Variants in PRPF3 observed in about 807,000 individuals in gnomAD.
PRPF3 encodes the protein U4/U6 small nuclear ribonucleoprotein Prp3.
In PRPF3, 3 loss-of-function variants were observed where a neutral mutation model predicts 89.2. That is an observed-to-expected ratio of 0.03 (90% CI 0.02 to 0.09). The LOEUF (loss-of-function observed/expected upper bound fraction) is 0.09. PRPF3 is among the 10% of genes least tolerant of loss of function. The pLI, the probability that PRPF3 is intolerant of heterozygous loss-of-function variation, is 1.00. For synonymous variants in PRPF3, 270 were observed against 289.1 expected, an observed-to-expected ratio of 0.93 and a Z score of 0.67; for missense variants, 463 against 828.8, an observed-to-expected ratio of 0.56 and a Z score of 5.42.
At position 150,352,983 on chromosome 1, in the gene PRPF3, T is replaced by A; in HGVS notation, c.*4T>A. The A allele has an allele frequency of 6.2e-7, 1 of 1,614,004 alleles. No homozygotes were observed. Among genetic ancestry groups the A allele is most frequent in the Non-Finnish European group, 8.5e-7 (1 of 1,179,960 alleles). On this transcript the variant is annotated 3_prime_UTR_variant, in exon 16 of 16. Transcript: ENST00000324862. ...TGTGTTAGAGTCCACTGATTGAGAC[T>A]ACTGCAAGCCCTTGCCTCTCCTCCC...
In PRPF3 at chr1:150,346,481, A is replaced by G; in HGVS notation, c.1833A>G (p.Thr611=). The G allele has an allele frequency of 6.2e-7, 1 of 1,612,518 alleles. No homozygotes were observed. Among genetic ancestry groups the G allele is most frequent in the Non-Finnish European group, 8.5e-7 (1 of 1,178,536 alleles). ...AGTGGGATGAACAGACATCTAACAC[A>G]AAGGGAGATGGTGAATGGGGGTTAG... The part of the protein sequence containing the change: ...RIKWDEQTSN[T]KGDDDEESDE... The change falls in exon 14 of 16, where the codon ACA becomes ACG. Residue 611 remains threonine, a synonymous_variant. Transcript: ENST00000324862.
chr1:150,334,235 G>C (rs997636132), intron 6 of PRPF3, among the ~76,000 whole-genome samples: 1 of 152,170 alleles, frequency 6.6e-6, no homozygotes, highest in Non-Finnish European at 1.5e-5. Flanking sequence ...GGGCCTGGGA[G>C]GTTGAGGTTG....
At chr1:150,325,993 A>G in intron 3 of PRPF3, 112 bp downstream of exon 3, 1 of 1,360,628 alleles carries the variant, frequency 7.3e-7, no homozygotes, top group Non-Finnish European at 1.0e-6. Flanking sequence ...GCAAATGTTC[A>G]AGAGAGGTAC....
intron 9 of PRPF3, 72 bp downstream of exon 9, chr1:150,340,549 T>C (rs1553870098): frequency 1.7e-6 from 2 of 1,176,842 alleles, no homozygotes; most frequent in East Asian, 2.4e-5. Context: ...GTGAGGAACA[T>C]GTTCTGTATC....
chr1:150,345,572 A>C (rs1658198658), intron 12 of PRPF3: 1 of 204,472 alleles, frequency 4.9e-6, no homozygotes, highest in Non-Finnish European at 1.0e-5. Context: ...GCTGGTCTTA[A>C]ACTCCTGACC....
Position 150,324,891 on chromosome 1 carries a change from T to TTTTTAGGTGTAG in PRPF3, c.-48-3_-48-2insTTTAGGTGTAGT. The stretch of plus-strand genomic sequence containing the variant: ...TCTCTAACTTGTCTCTTTTTTTTTT[T>TTTTTAGGTGTAG]TAGGTGTAGTATTGAGTCCTGTTTG... On this transcript the variant is annotated splice_region_variant and splice_polypyrimidine_tract_variant and intron_variant, in intron 1 of 15. Coordinates refer to ENST00000324862, the MANE Select transcript of PRPF3 (RefSeq NM_004698.4). The TTTTTAGGTGTAG allele has an allele frequency of 1.3e-6, 2 of 1,579,494 alleles. No homozygotes were observed.
At chr1:150,329,269 A>G (rs1553864770) in intron 4 of PRPF3, among the ~76,000 whole-genome samples, 1 of 152,036 alleles carries the variant, frequency 6.6e-6, no homozygotes, top group African/African-American at 2.4e-5. Flanking sequence ...GCCTCAAGTG[A>G]TCTGCCACCT....
Position 150,335,069 on chromosome 1 carries a change from T to C in PRPF3, c.863T>C (p.Val288Ala), listed in dbSNP as rs1656821379. Residue 288 changes from valine to alanine, a missense_variant, in exon 7 of 16, where the codon GTG (valine) becomes GCG (alanine). Transcript: ENST00000324862. ...ACTCTGAAAGCCAATATTCGTGCTGTGAAGAGGGAACAATTCAAGCAACAA... is the reference window on the plus strand; with the variant it reads ...ACTCTGAAAGCCAATATTCGTGCTGCGAAGAGGGAACAATTCAAGCAACAA... ...MPTLKANIRA[V>A]KREQFKQQLK... The C allele has an allele frequency of 1.2e-6, 2 of 1,613,900 alleles. No homozygotes were observed. Among genetic ancestry groups the C allele is most frequent in the African/African-American group, 2.7e-5 (2 of 74,872 alleles).
chr1:150,342,801 G>A (rs1553871692), intron 9 of PRPF3, among the ~76,000 whole-genome samples: 1 of 152,060 alleles, frequency 6.6e-6, no homozygotes, highest in Admixed American at 6.6e-5. Flanking sequence ...GATTACAGGT[G>A]TGATCCACCG....
rs16836143 is a variant in PRPF3 at position 150,346,605 on chromosome 1, T to A, written c.1843+114T>A. 0.19 allele frequency: 212,052 copies of A among 1,110,962 alleles called. 22,966 individuals carry two copies. The highest frequency in any genetic ancestry group is 0.29 in the African/African-American group (18,911 of 64,736). 68.8% of individuals were successfully genotyped at this position (1,110,962 alleles called of 1,614,324 possible). A position where few individuals can be genotyped will look rare whatever the true frequency, so the allele number is the denominator to read the frequency against. Reference sequence around the variant, plus strand: ...CACTCTTGATAACACTAGATAGTGTTCAGGAATTTTAGAAAGACCCGTTTA... The same window carrying A: ...CACTCTTGATAACACTAGATAGTGTACAGGAATTTTAGAAAGACCCGTTTA... On this transcript the variant is annotated intron_variant, in intron 14 of 15. Transcript: ENST00000324862.
intron 1 of PRPF3, among the ~76,000 whole-genome samples, chr1:150,321,885 A>T (rs1262502837): frequency 6.7e-6 from 1 of 150,154 alleles, no homozygotes; most frequent in Non-Finnish European, 1.5e-5. Flanking sequence ...TTAGCGGGGG[A>T]GTGGGGGGCT....
At chr1:150,325,132 C>T in intron 2 of PRPF3, 45 bp downstream of exon 2, 1 of 1,600,278 alleles carries the variant, frequency 6.2e-7, no homozygotes. Context: ...TAGGGTGACC[C>T]CAAACACTGC....
At position 150,325,743 on chromosome 1, in the gene PRPF3, C is replaced by G. The variant is rs1553863578; in HGVS notation, c.146-8C>G. ...TTCCAACCCTACCACCGCCTTTCTT[C>G]CTGTCAGATCATCTGAAACCTTTTC... On this transcript the variant is annotated splice_polypyrimidine_tract_variant and splice_region_variant and intron_variant, in intron 2 of 15. Transcript: ENST00000324862. 6.2e-7 allele frequency: 1 copy of G among 1,611,700 alleles called. No homozygotes were observed. The highest frequency in any genetic ancestry group is 2.2e-5 in the East Asian group (1 of 44,808).
At chr1:150,337,155 C>T (rs1657101972) in intron 7 of PRPF3, among the ~76,000 whole-genome samples, 1 of 150,972 alleles carries the variant, frequency 6.6e-6, no homozygotes. Context: ...TCTCCTGCCT[C>T]AGCCTGCTGA....
chr1:150,323,413 G>GT (rs1655324797), intron 1 of PRPF3, among the ~76,000 whole-genome samples: 1 of 151,790 alleles, frequency 6.6e-6, no homozygotes, highest in Non-Finnish European at 1.5e-5. Context: ...GGAGGTCAAG[G>GT]TGGGCAGATC....
chr1:150,353,155 T>C lies in PRPF3; in HGVS notation c.*176T>C. Reference sequence around the variant, plus strand: ...CCTGAGTCAGCCTGGTGTTGCCCTTTATTCCCCTTATGTGCATATGATTAA... The same window carrying C: ...CCTGAGTCAGCCTGGTGTTGCCCTTCATTCCCCTTATGTGCATATGATTAA... On this transcript the variant is annotated 3_prime_UTR_variant, in exon 16 of 16. Coordinates refer to ENST00000324862, the MANE Select transcript of PRPF3 (RefSeq NM_004698.4). 1.3e-6 allele frequency: 1 copy of C among 750,712 alleles called. No individual in the cohort carries two copies. Among genetic ancestry groups the C allele is most frequent in the Non-Finnish European group, 2.3e-6 (1 of 430,440 alleles). 46.5% of individuals were successfully genotyped at this position (750,712 alleles called of 1,614,324 possible).
intron 4 of PRPF3, chr1:150,329,608 G>A (rs1156648771): frequency 6.6e-6 from 1 of 151,994 alleles, no homozygotes. Flanking sequence ...TTTTTAACAG[G>A]AAGTATTTGT....
intron 8 of PRPF3, 76 bp downstream of exon 8, chr1:150,338,402 A>G: frequency 7.0e-7 from 1 of 1,424,516 alleles, no homozygotes; most frequent in African/African-American, 1.4e-5. Flanking sequence ...AATACCTTTT[A>G]GTAAAGCTAT....
chr1:150,340,210 T>C (rs1325746636), intron 8 of PRPF3, among the ~76,000 whole-genome samples, 188 bp from the exon 9 acceptor site: 2 of 152,178 alleles, frequency 1.3e-5, no homozygotes, highest in East Asian at 3.8e-4. Context: ...ATAGAGGGAC[T>C]CAGTTTTCTC....
Sources: allele counts gnomAD v4.1 joint callset (sites outside exome capture counted in the v4.1 genomes callset), GRCh38; gene constraint gnomAD v4.1.1; transcripts MANE v1.5; gene names NCBI Gene and HGNC (gene_info 2026-07-23, HGNC 2026-07-21).